Variants in ATG4C observed in about 807,000 individuals in gnomAD.
ATG4C encodes autophagy related 4C cysteine peptidase.
ATG4C carries 56 observed loss-of-function variants against 57.6 expected under a neutral mutation model. The ratio of observed to expected loss-of-function variants is 0.97; its 90% CI spans 0.78 to 1.21. ATG4C has a LOEUF of 1.21. ATG4C is among the 50% of genes most tolerant of loss of function. ATG4C has a pLI of 0.00. For missense variants in ATG4C, 595 were observed against 529.8 expected (o/e 1.12, Z -1.21); for synonymous variants, 157 against 174.1 (o/e 0.90, Z 0.78).
intron 5 of ATG4C, among the ~76,000 whole-genome samples, chr1:62,819,851 G>A (rs1279929299): frequency 3.3e-5 from 5 of 151,872 alleles, no homozygotes; most frequent in African/African-American, 1.2e-4. Flanking sequence ...ATTCAGGATA[G>A]TTAGAAAAAA....
chr1:62,811,476 C>T (rs907324013), intron 3 of ATG4C, among the ~76,000 whole-genome samples: 7 of 151,950 alleles, frequency 4.6e-5, no homozygotes, highest in Non-Finnish European at 7.4e-5. Context: ...GTATCTAGAC[C>T]GAATACCGAA....
chr1:62,784,426 T>C (rs573671458), intron 1 of ATG4C, among the ~76,000 whole-genome samples, 153 bp downstream of exon 1: 12 of 152,154 alleles, frequency 7.9e-5, no homozygotes, highest in African/African-American at 2.9e-4. Flanking sequence ...GCCTTCCTTG[T>C]CTCTCCTTTC....
intron 6 of ATG4C, among the ~76,000 whole-genome samples, chr1:62,822,416 T>G (rs1665511523): frequency 6.6e-6 from 1 of 152,204 alleles, no homozygotes; most frequent in African/African-American, 2.4e-5. Flanking sequence ...ACATTTGCTG[T>G]GTTAAATAGT....
intron 4 of ATG4C, among the ~76,000 whole-genome samples, chr1:62,817,844 TATAA>T (rs1665332619): frequency 6.6e-6 from 1 of 152,232 alleles, no homozygotes; most frequent in Non-Finnish European, 1.5e-5. Flanking sequence ...GTCAGATTTT[TATAA>T]GTGTTAAGAC....
At chr1:62,788,125 T>G (rs1664149786) in intron 1 of ATG4C, among the ~76,000 whole-genome samples, 1 of 152,188 alleles carries the variant, frequency 6.6e-6, no homozygotes, top group African/African-American at 2.4e-5. Flanking sequence ...TACTTATTGT[T>G]TGTTAGGATT....
chr1:62,836,249 A>G (rs1249700311), intron 9 of ATG4C, among the ~76,000 whole-genome samples: 2 of 152,118 alleles, frequency 1.3e-5, no homozygotes, highest in African/African-American at 4.8e-5. Flanking sequence ...GGCTGGTGAT[A>G]GTGAAAATGG....
At chr1:62,813,327 C>A (rs1331997453) in intron 3 of ATG4C, among the ~76,000 whole-genome samples, 1 of 152,072 alleles carries the variant, frequency 6.6e-6, no homozygotes, top group Non-Finnish European at 1.5e-5. Flanking sequence ...CTTGACAGAC[C>A]TGACAAAAAC....
intron 1 of ATG4C, among the ~76,000 whole-genome samples, chr1:62,793,616 A>AC (rs1572092940): frequency 2.0e-5 from 3 of 148,536 alleles, no homozygotes; most frequent in Non-Finnish European, 4.5e-5. Context: ...AAAAAAAAAA[A>AC]AAAACCAAAA....
intron 1 of ATG4C, among the ~76,000 whole-genome samples, chr1:62,789,706 A>G (rs903206053): frequency 1.3e-5 from 2 of 151,970 alleles, no homozygotes; most frequent in Non-Finnish European, 2.9e-5. Context: ...AGTCCCAGTT[A>G]CTAGGGAGGC....
At chr1:62,859,291 A>G (rs1389125815) in intron 10 of ATG4C, among the ~76,000 whole-genome samples, 1 of 152,194 alleles carries the variant, frequency 6.6e-6, no homozygotes, top group Non-Finnish European at 1.5e-5. Context: ...CCAAAATGGA[A>G]ACACTTCCGT....
chr1:62,830,830 TCTAA>T (rs1206828707), intron 7 of ATG4C, among the ~76,000 whole-genome samples: 1 of 152,170 alleles, frequency 6.6e-6, no homozygotes, highest in African/African-American at 2.4e-5. Context: ...AGCCTCAGTA[TCTAA>T]CATATAGGAG....
At chr1:62,805,648 G>T (rs115112328) in intron 3 of ATG4C, among the ~76,000 whole-genome samples, 1 of 151,932 alleles carries the variant, frequency 6.6e-6, no homozygotes, top group East Asian at 1.9e-4. Flanking sequence ...GAATTTCTAC[G>T]TATATTAATT....
At chr1:62,795,647 A>C (rs1664436826) in intron 1 of ATG4C, among the ~76,000 whole-genome samples, 1 of 152,050 alleles carries the variant, frequency 6.6e-6, no homozygotes, top group South Asian at 2.1e-4. Flanking sequence ...TTAGTAAAGA[A>C]CATCTGCTTG....
chr1:62,790,735 G>T (rs1401821052), intron 1 of ATG4C, among the ~76,000 whole-genome samples: 1 of 152,158 alleles, frequency 6.6e-6, no homozygotes, highest in East Asian at 1.9e-4. Flanking sequence ...TTTAAGACTT[G>T]TAAGCTCTAA....
At chr1:62,843,161 C>A (rs1666223021) in intron 10 of ATG4C, among the ~76,000 whole-genome samples, 1 of 150,678 alleles carries the variant, frequency 6.6e-6, no homozygotes, top group Non-Finnish European at 1.5e-5. Context: ...AAAAAAAAAG[C>A]AAAATTAAAA....
In ATG4C at chr1:62,829,179, A is replaced by G. The variant is rs374504118; in HGVS notation, c.933+3A>G. On this transcript the variant is annotated splice_donor_region_variant and intron_variant, in intron 7 of 10. Transcript: ENST00000317868. ...CCGACTACTTAGAATTTGTGAAGGT[A>G]TGAAATAAGTGCTGAACTTTTTTAG... The G allele has an allele frequency of 5.0e-5, 80 of 1,612,140 alleles. No individual in the cohort carries two copies. The highest frequency in any genetic ancestry group is 6.7e-5 in the Admixed American group (4 of 59,902).
chr1:62,863,488 GT>G (rs1476982369), intron 10 of ATG4C, among the ~76,000 whole-genome samples: 1 of 151,960 alleles, frequency 6.6e-6, no homozygotes, highest in Admixed American at 6.6e-5. Flanking sequence ...TGATTACCCT[GT>G]TTTATAGATG....
chr1:62,857,475 G>A (rs1458795645), intron 10 of ATG4C, among the ~76,000 whole-genome samples: 1 of 152,044 alleles, frequency 6.6e-6, no homozygotes, highest in Non-Finnish European at 1.5e-5. Context: ...ATAGTGAGTT[G>A]TGTAATTATT....
intron 4 of ATG4C, among the ~76,000 whole-genome samples, 157 bp downstream of exon 4, chr1:62,816,965 C>A (rs1665299352): frequency 6.6e-6 from 1 of 152,122 alleles, no homozygotes; most frequent in African/African-American, 2.4e-5. Context: ...TGGTGTATTG[C>A]ATTTTTTTTG....
Sources: gnomAD v4.1 joint callset for allele counts (sites outside exome capture counted in the v4.1 genomes callset) on GRCh38, gnomAD v4.1.1 for gene constraint, MANE v1.5 for transcripts, NCBI Gene and HGNC (gene_info 2026-07-23, HGNC 2026-07-21) for gene names.